The following CFAP20DC variants were observed in gnomAD, a reference collection of about 807,000 sequenced individuals.
CFAP20DC encodes protein CFAP20DC.
Under a neutral mutation model 101.7 loss-of-function variants are expected in CFAP20DC, and 84 were observed. The observed-to-expected ratio is 0.83, with a 90% CI of 0.69 to 0.99. The LOEUF (loss-of-function observed/expected upper bound fraction) is 0.99. Among genes scored for constraint, CFAP20DC ranks in the 50% least tolerant of loss-of-function variants. The pLI, the probability that CFAP20DC is intolerant of heterozygous loss-of-function variation, is 0.00. For missense variants in CFAP20DC, 1,007 were observed against 970.3 expected (o/e 1.04, Z -0.50); for synonymous variants, 359 against 351.2 (o/e 1.02, Z -0.25).
intron 4 of CFAP20DC, among the ~76,000 whole-genome samples, chr3:58,963,002 A>G: frequency 6.6e-6 from 1 of 151,894 alleles, no homozygotes; most frequent in East Asian, 1.9e-4. Flanking sequence ...CAACATTGCT[A>G]AGGTTTCAAC....
At chr3:58,819,638 T>C (rs2107892803) in intron 14 of CFAP20DC, among the ~76,000 whole-genome samples, 1 of 147,720 alleles carries the variant, frequency 6.8e-6, no homozygotes, top group South Asian at 2.3e-4. Flanking sequence ...TCTGAAATTG[T>C]GGCAATAATC....
chr3:58,931,588 C>T (rs571673932), intron 5 of CFAP20DC, among the ~76,000 whole-genome samples: 8 of 152,192 alleles, frequency 5.3e-5, no homozygotes, highest in African/African-American at 9.7e-5. Context: ...TCCAGAGGAA[C>T]GATCAGACAG....
At chr3:58,878,546 A>C (rs1309827120) in intron 7 of CFAP20DC, among the ~76,000 whole-genome samples, 1 of 152,190 alleles carries the variant, frequency 6.6e-6, no homozygotes, top group Non-Finnish European at 1.5e-5. Flanking sequence ...ATTTCAAGAA[A>C]ACTTTCCATT....
chr3:59,044,690 TG>T (rs1699699100), intron 3 of CFAP20DC, among the ~76,000 whole-genome samples: 1 of 152,072 alleles, frequency 6.6e-6, no homozygotes, highest in Admixed American at 6.6e-5. Flanking sequence ...TAAAAGTGAT[TG>T]ATTTTTTTAA....
At chr3:58,983,415 C>A (rs959106733) in intron 4 of CFAP20DC, among the ~76,000 whole-genome samples, 1 of 152,004 alleles carries the variant, frequency 6.6e-6, no homozygotes, top group Non-Finnish European at 1.5e-5. Context: ...ATTTAACAAA[C>A]AAAACATGTT....
chr3:58,717,320 G>T (rs2067411402), downstream of CFAP20DC: 2 of 207,168 alleles, frequency 9.7e-6, no homozygotes, highest in Non-Finnish European at 9.9e-6. This position sits in a 1 kb window ranked among gnomAD's most constrained non-coding sequence, Gnocchi z 4.1. Flanking sequence ...TACTACCCTG[G>T]TCTGCCGTCC....
chr3:59,004,117 G>T (rs779815643), intron 4 of CFAP20DC, among the ~76,000 whole-genome samples: 1 of 152,140 alleles, frequency 6.6e-6, no homozygotes, highest in Non-Finnish European at 1.5e-5. Flanking sequence ...AGGGGGTCAA[G>T]CTAGAAAGAG....
chr3:58,901,126 A>G (rs907084724), intron 6 of CFAP20DC, among the ~76,000 whole-genome samples: 4 of 152,230 alleles, frequency 2.6e-5, no homozygotes, highest in African/African-American at 9.6e-5. Flanking sequence ...AGTGCCTAGC[A>G]CAGTGCTTTA....
At chr3:58,907,878 T>C (rs1379689452) in intron 6 of CFAP20DC, among the ~76,000 whole-genome samples, 1 of 152,168 alleles carries the variant, frequency 6.6e-6, no homozygotes, top group Non-Finnish European at 1.5e-5. Context: ...CACAGCACCT[T>C]GAACCATAGT....
chr3:58,807,177 G>T (rs375090426), intron 14 of CFAP20DC, among the ~76,000 whole-genome samples: 11 of 152,288 alleles, frequency 7.2e-5, no homozygotes, highest in South Asian at 4.1e-4. Flanking sequence ...CTCTGCAGAC[G>T]TAAGTGTCCC....
At chr3:58,781,767 AGTTAT>A (rs761291728) in intron 15 of CFAP20DC, among the ~76,000 whole-genome samples, 7 of 152,122 alleles carry the variant, frequency 4.6e-5, no homozygotes, top group Non-Finnish European at 8.8e-5. Context: ...AACAATAACA[AGTTAT>A]GAGACTGAAT....
intron 4 of CFAP20DC, among the ~76,000 whole-genome samples, chr3:58,949,351 C>T (rs373544029): frequency 2.0e-5 from 3 of 152,160 alleles, no homozygotes; most frequent in African/African-American, 7.2e-5. Context: ...GCTCTTGCTT[C>T]TCTAGTTCTT....
intron 14 of CFAP20DC, among the ~76,000 whole-genome samples, chr3:58,809,144 TAGAC>T (rs200808306): frequency 0.016 from 2,368 of 151,728 alleles, 35 homozygotes; most frequent in Non-Finnish European, 0.024. Context: ...CTGTCAACAT[TAGAC>T]AGAAAGTTAA....
At chr3:58,787,180 C>T (rs997897880) in intron 15 of CFAP20DC, among the ~76,000 whole-genome samples, 34 of 151,448 alleles carry the variant, frequency 2.2e-4, no homozygotes, top group African/African-American at 6.6e-4. Context: ...CACAGAGTAA[C>T]GCTGATACAA....
chr3:59,025,072 T>G (rs1040039054), intron 4 of CFAP20DC, among the ~76,000 whole-genome samples: 1 of 152,136 alleles, frequency 6.6e-6, no homozygotes, highest in Non-Finnish European at 1.5e-5. Context: ...GTTATATCTG[T>G]TTTTCCCAGG....
In CFAP20DC at chr3:58,951,839, A is replaced by G. The variant is rs1014849344; in HGVS notation, c.279-14077T>C. On this transcript the variant is annotated intron_variant, in intron 4 of 16. Coordinates refer to ENST00000482387, the MANE Select transcript of CFAP20DC (RefSeq NM_001394063.1). ...GAGTTACTGGGTGCAGCACACCAAC[A>G]TGGCACATGTATACATATGTAACAA... 8.5e-5 allele frequency among the ~76,000 whole-genome samples: 13 copies of G among 152,278 alleles called. No individual in the cohort carries two copies. In the East Asian group the frequency reaches 2.5e-3, roughly 29 times the overall value.
At chr3:58,935,061 C>A (rs2087334150) in intron 5 of CFAP20DC, among the ~76,000 whole-genome samples, 1 of 152,172 alleles carries the variant, frequency 6.6e-6, no homozygotes, top group African/African-American at 2.4e-5. Context: ...AGCTGATAAG[C>A]AACTTCAGCA....
At chr3:58,749,521 C>T (rs888176738) in intron 16 of CFAP20DC, among the ~76,000 whole-genome samples, 18 of 152,200 alleles carry the variant, frequency 1.2e-4, no homozygotes, top group African/African-American at 4.3e-4. Flanking sequence ...TAAGCATCTG[C>T]TACCCATTTA....
intron 14 of CFAP20DC, among the ~76,000 whole-genome samples, chr3:58,817,094 G>A (rs1387082476): frequency 1.3e-5 from 2 of 152,050 alleles, no homozygotes; most frequent in Admixed American, 6.6e-5. Flanking sequence ...CTGTTAGAAG[G>A]AAAACTAACA....
Sources: allele counts gnomAD v4.1 joint callset (sites outside exome capture counted in the v4.1 genomes callset), GRCh38; gene constraint gnomAD v4.1.1; non-coding constraint Gnocchi (gnomAD v3.1); transcripts MANE v1.5; gene names NCBI Gene and HGNC (gene_info 2026-07-23, HGNC 2026-07-21).